ATAD3A: variants seen among roughly 807,000 people sequenced by gnomAD.
The protein encoded by ATAD3A is ATPase family AAA domain containing 3A.
Under a neutral mutation model 73.8 loss-of-function variants are expected in ATAD3A, and 46 were observed. The observed-to-expected ratio is 0.62, with a 90% CI of 0.49 to 0.80. The LOEUF (loss-of-function observed/expected upper bound fraction) is 0.80. ATAD3A is among the 30% of genes least tolerant of loss of function. The probability of loss-of-function intolerance (pLI) is 0.00; values close to 1 mark genes in which losing one functional copy is unlikely to be tolerated. For missense variants in ATAD3A, 705 were observed against 838.0 expected (o/e 0.84, Z 1.96); for synonymous variants, 319 against 350.0 (o/e 0.91, Z 0.99).
intron 7 of ATAD3A, among the ~76,000 whole-genome samples, chr1:1,521,322 A>AC (rs1257410580): frequency 6.6e-6 from 1 of 150,610 alleles, no homozygotes; most frequent in African/African-American, 2.4e-5. Context: ...AAAAAAAAAA[A>AC]AAAAAAACCA....
rs749355574 is a variant in ATAD3A, at chr1:1,520,223, C to T, written c.597C>T (p.Ala199=). ...CCGAGGCCCGGGCGCGCGCCAAGGC[C>T]GAGCGGGAGAATGCAGACATCATCC... ...VEAEARARAK[A]ERENADIIRE... Residue 199 remains alanine (A), a synonymous_variant, in exon 6 of 16, where the codon GCC becomes GCT. Transcript: ENST00000378756. The surrounding 1 kb of genome is among the most constrained non-coding windows in gnomAD (Gnocchi z 4.0). The T allele has an allele frequency of 1.7e-5, 27 of 1,612,250 alleles. No homozygotes were observed. Among genetic ancestry groups the T allele is most frequent in the Non-Finnish European group, 1.9e-5 (22 of 1,179,708 alleles).
At chr1:1,515,694 A>T (rs1641332185) in intron 1 of ATAD3A, among the ~76,000 whole-genome samples, 1 of 152,236 alleles carries the variant, frequency 6.6e-6, no homozygotes, top group Non-Finnish European at 1.5e-5. Flanking sequence ...GAAAAAATAG[A>T]GGACACTTTA....
rs199697769 is a variant in ATAD3A, at chr1:1,525,215, T to A, written c.1215-25T>A. The A allele has an allele frequency of 3.4e-4, 542 of 1,613,156 alleles. 1 individual carries two copies. Among genetic ancestry groups the A allele is most frequent in the African/African-American group, 3.1e-3 (231 of 74,768 alleles). ...GCTGCTCCTGGTGTCACTCTCGCCC[T>A]GCTTGGCCTCCCTCTCGTTCACAGC... On this transcript the variant is annotated intron_variant, in intron 11 of 15. Transcript: ENST00000378756.
chr1:1,526,160 C>A (rs1191211680), intron 12 of ATAD3A, among the ~76,000 whole-genome samples: 1 of 151,848 alleles, frequency 6.6e-6, no homozygotes, highest in Non-Finnish European at 1.5e-5. Flanking sequence ...GTAGCTGGGA[C>A]TACAGGTGCG....
chr1:1,523,459 T>C lies in ATAD3A; in HGVS notation c.907-52T>C. 1 of 1,597,728 alleles carries C rather than the reference T, an allele frequency of 6.3e-7. No homozygotes were observed. The highest frequency in any genetic ancestry group is 8.5e-7 in the Non-Finnish European group (1 of 1,172,096). ...GCGTGTGTGTGCGCGTTGGTGGCTGTTCCGTGGCTGTGGCAGGTGACCCGA... is the reference window on the plus strand; with the variant it reads ...GCGTGTGTGTGCGCGTTGGTGGCTGCTCCGTGGCTGTGGCAGGTGACCCGA... On this transcript the variant is annotated intron_variant, in intron 8 of 15. Coordinates refer to ENST00000378756, the MANE Select transcript of ATAD3A (RefSeq NM_001170535.3). The surrounding 1 kb of genome is among the most constrained non-coding windows in gnomAD (Gnocchi z 5.1).
Position 1,519,010 on chromosome 1 carries a change from G to C in ATAD3A, c.514+20G>C. On this transcript the variant is annotated intron_variant, in intron 5 of 15. Transcript: ENST00000378756. The stretch of plus-strand genomic sequence containing the variant: ...GGCGAGGTAGGCTGTCTGCTCTCCT[G>C]GCTGGGGCGGAGGTGGCGGGGGCTG... The C allele has an allele frequency of 6.2e-7, 1 of 1,614,040 alleles. No individual in the cohort carries two copies. The highest frequency in any genetic ancestry group is 1.1e-5 in the South Asian group (1 of 91,082).
At chr1:1,528,059 A>C (rs1228882405) in intron 14 of ATAD3A, among the ~76,000 whole-genome samples, 197 bp downstream of exon 14, 1 of 151,154 alleles carries the variant, frequency 6.6e-6, no homozygotes, top group Non-Finnish European at 1.5e-5. Flanking sequence ...TCCCGGGTTC[A>C]AACAATCCTC....
Position 1,523,657 on chromosome 1 carries a change from A to G in ATAD3A, c.963+90A>G, listed in dbSNP as rs1449097607. 80 of 1,600,040 alleles carry G rather than the reference A, an allele frequency of 5.0e-5. No homozygotes were observed. Among genetic ancestry groups the G allele is most frequent in the African/African-American group, 1.5e-4 (11 of 74,478 alleles). ...GGCCCTTGCTGGCGCTCGTGGTGGC[A>G]CCCAGGAGCTTTTGGGTCCTGAGAT... On this transcript the variant is annotated intron_variant, in intron 9 of 15. Coordinates refer to ENST00000378756, the MANE Select transcript of ATAD3A (RefSeq NM_001170535.3). This position sits in a 1 kb window ranked among gnomAD's most constrained non-coding sequence, Gnocchi z 5.1.
intron 13 of ATAD3A, 38 bp downstream of exon 13, chr1:1,526,569 G>A (rs746198986): frequency 1.2e-6 from 2 of 1,611,450 alleles, no homozygotes; most frequent in African/African-American, 1.3e-5. Context: ...CCCGGGCAGG[G>A]CTGTGCAGCC....
rs774929100 is a variant in ATAD3A, at chr1:1,519,015, G to T, written c.514+25G>T. ...GGTAGGCTGTCTGCTCTCCTGGCTGGGGCGGAGGTGGCGGGGGCTGCTTGT... is the reference window on the plus strand; with the variant it reads ...GGTAGGCTGTCTGCTCTCCTGGCTGTGGCGGAGGTGGCGGGGGCTGCTTGT... On this transcript the variant is annotated intron_variant, in intron 5 of 15. Coordinates refer to ENST00000378756, the MANE Select transcript of ATAD3A (RefSeq NM_001170535.3). 2.4e-5 allele frequency: 38 copies of T among 1,613,894 alleles called. No individual in the cohort carries two copies. In the South Asian group the frequency reaches 4.0e-4, roughly 17 times the overall value.
chr1:1,530,845 A>C (rs1484150014), intron 15 of ATAD3A, among the ~76,000 whole-genome samples: 23 of 98,846 alleles, frequency 2.3e-4, no homozygotes, highest in Non-Finnish European at 3.3e-4. Flanking sequence ...AAAAAAAAAA[A>C]AAAAAAAAAA....
rs560773514 is a variant in ATAD3A, at chr1:1,518,483, C to T, written c.445-438C>T. ...CCTATACACATGGGCACAGCCCCCC[C>T]GCACACATGGGCACGCACACAACCC... On this transcript the variant is annotated intron_variant, in intron 4 of 15. Transcript: ENST00000378756. Among the ~76,000 whole-genome samples the T allele has an allele frequency of 1.0e-3, 131 of 126,686 alleles. 1 individual carries two copies. Among genetic ancestry groups the T allele is most frequent in the African/African-American group, 3.4e-3 (117 of 34,122 alleles). The allele number at this position is 126,686 out of a possible 152,430, so 83.1% of individuals were successfully genotyped here.
At chr1:1,513,924 G>A (rs1421777081) in intron 1 of ATAD3A, among the ~76,000 whole-genome samples, 13 of 151,934 alleles carry the variant, frequency 8.6e-5, no homozygotes, top group African/African-American at 2.7e-4. Context: ...ATGCCGCCTG[G>A]TTCCCAGAGT....
At chr1:1,531,559 G>A (rs1642034690) in intron 15 of ATAD3A, among the ~76,000 whole-genome samples, 1 of 151,188 alleles carries the variant, frequency 6.6e-6, no homozygotes, top group African/African-American at 2.4e-5. Context: ...GGATCATGAA[G>A]TCAGGAAATC....
intron 15 of ATAD3A, among the ~76,000 whole-genome samples, chr1:1,530,496 C>T (rs1187504019): frequency 6.6e-6 from 1 of 151,986 alleles, no homozygotes; most frequent in East Asian, 1.9e-4. Flanking sequence ...ATTGCCACTG[C>T]ACTCCAGCCT....
chr1:1,514,807 C>T (rs1000447192), intron 1 of ATAD3A, among the ~76,000 whole-genome samples: 3 of 152,198 alleles, frequency 2.0e-5, no homozygotes, highest in African/African-American at 7.2e-5. Context: ...ACGGGAACAA[C>T]GCACCAACCC....
At chr1:1,521,298 CAAAAAAAAAAAA>C (rs1001385922) in intron 7 of ATAD3A, among the ~76,000 whole-genome samples, 3,377 of 25,432 alleles carry the variant, frequency 0.13, 176 homozygotes, top group African/African-American at 0.29. Flanking sequence ...GGCTTCTTCT[CAAAAAAAAAAAA>C]AAAAAAAAAA....
rs148972212 is a variant in ATAD3A at position 1,527,739 on chromosome 1, G to T, written c.1382G>T (p.Trp461Leu). Residue 461 changes from tryptophan (W) to leucine (L), a missense_variant, in exon 14 of 16, where the codon TGG (tryptophan) becomes TTG (leucine). By Grantham distance (61) the Trp-to-Leu change is moderately conservative. Coordinates refer to ENST00000378756, the MANE Select transcript of ATAD3A (RefSeq NM_001170535.3). Reference sequence around the variant, plus strand: ...AGCAACCAACCAGAGCAGTTCGACTGGGCCATCAATGACCGCATCAATGAG... The same window carrying T: ...AGCAACCAACCAGAGCAGTTCGACTTGGCCATCAATGACCGCATCAATGAG... Reference protein sequence around the residue: ...LASNQPEQFDWAINDRINEMV... With the variant: ...LASNQPEQFDLAINDRINEMV... The T allele has an allele frequency of 1.9e-5, 30 of 1,613,756 alleles. No homozygotes were observed. The highest frequency in any genetic ancestry group is 2.5e-5 in the Non-Finnish European group (30 of 1,179,918).
chr1:1,527,958 C>CAT, intron 14 of ATAD3A, 96 bp downstream of exon 14: 2 of 981,018 alleles, frequency 2.0e-6, no homozygotes, highest in Non-Finnish European at 2.7e-6. Context: ...TTTAACATTC[C>CAT]TTTTTTTTTT....
Sources: allele counts gnomAD v4.1 joint callset (sites outside exome capture counted in the v4.1 genomes callset), GRCh38; gene constraint gnomAD v4.1.1; non-coding constraint Gnocchi (gnomAD v3.1); transcripts MANE v1.5; gene names NCBI Gene and HGNC (gene_info 2026-07-23, HGNC 2026-07-21).